CADPS2: variants seen among roughly 807,000 people sequenced by gnomAD.
CADPS2 encodes calcium-dependent secretion activator 2.
In CADPS2, 93 loss-of-function variants were observed where a neutral mutation model predicts 172.5. The ratio of observed to expected loss-of-function variants is 0.54; its 90% CI spans 0.46 to 0.64. The LOEUF is 0.64. Ranked by LOEUF, CADPS2 falls within the 30% of genes least tolerant of loss-of-function variation. CADPS2 has a pLI of 0.00. For missense variants in CADPS2, 1,420 were observed against 1,565.9 expected (o/e 0.91, Z 1.57); for synonymous variants, 546 against 555.2 (o/e 0.98, Z 0.23).
chr7:122,666,346 C>CTTTTT (rs35558114), intron 2 of CADPS2, among the ~76,000 whole-genome samples: 28 of 133,506 alleles, frequency 2.1e-4, no homozygotes, highest in Admixed American at 7.8e-4. Flanking sequence ...TCTGCTAACA[C>CTTTTT]TTTTTTTTTT....
intron 1 of CADPS2, 127 bp downstream of exon 1, chr7:122,885,872 G>A: frequency 8.7e-7 from 1 of 1,147,608 alleles, no homozygotes. Flanking sequence ...AGATTCCTCT[G>A]CCCTCAGAGA....
In CADPS2 at chr7:122,621,498, G is replaced by C; in HGVS notation, c.1087C>G (p.Leu363Val). The change falls in exon 5 of 30, where the codon CTG (leucine) becomes GTG (valine). Residue 363 changes from leucine to valine, a missense_variant. Leu to Val is a conservative substitution (Grantham distance 32). Coordinates refer to ENST00000449022, the MANE Select transcript of CADPS2 (RefSeq NM_017954.11). ...EIQLSKSDVV[L>V]SFTLEIVIME... Reference sequence around the variant, plus strand: ...CTACTTACCTCTAAGGTGAATGACAGTACCACGTCGGACTTTGACAGCTGA... The same window carrying C: ...CTACTTACCTCTAAGGTGAATGACACTACCACGTCGGACTTTGACAGCTGA... The C allele has an allele frequency of 1.2e-6, 2 of 1,611,866 alleles. No homozygotes were observed. Among genetic ancestry groups the C allele is most frequent in the Non-Finnish European group, 1.7e-6 (2 of 1,178,066 alleles).
intron 17 of CADPS2, among the ~76,000 whole-genome samples, chr7:122,429,203 T>C (rs1386119586): frequency 6.6e-6 from 1 of 151,656 alleles, no homozygotes; most frequent in South Asian, 2.1e-4. Flanking sequence ...CTTGCTAATA[T>C]AGGGATAACT....
At chr7:122,701,159 AT>A (rs1331754756) in intron 2 of CADPS2, among the ~76,000 whole-genome samples, 1 of 152,140 alleles carries the variant, frequency 6.6e-6, no homozygotes, top group Admixed American at 6.6e-5. Context: ...AGAAAAAAAA[AT>A]TTGTTTTTAA....
Position 122,527,617 on chromosome 7 carries a change from A to AGAGAGAGTGTGTGT in CADPS2, c.1476-14303_1476-14302insACACACACTCTCTC. Among the ~76,000 whole-genome samples the AGAGAGAGTGTGTGT allele has an allele frequency of 1.8e-3, 154 of 83,876 alleles. 1 individual carries two copies. The highest frequency in any genetic ancestry group is 3.1e-3 in the Non-Finnish European group (120 of 38,328). The allele number at this position is 83,876 out of a possible 152,430, so 55.0% of individuals were successfully genotyped here. On this transcript the variant is annotated intron_variant, in intron 8 of 29. Coordinates refer to ENST00000449022, the MANE Select transcript of CADPS2 (RefSeq NM_017954.11). Reference sequence around the variant, plus strand: ...GAGAGAGAGAGAGAGAGAGAGAGAGAGTGTGTGTGTGTGTGTGTGTGTGTG... The same window carrying AGAGAGAGTGTGTGT: ...GAGAGAGAGAGAGAGAGAGAGAGAGAGAGAGAGTGTGTGTGTGTGTGTGTGTGTGTGTGTGTGTG...
intron 3 of CADPS2, among the ~76,000 whole-genome samples, chr7:122,655,838 A>C (rs548303905): frequency 6.6e-6 from 1 of 152,198 alleles, no homozygotes; most frequent in African/African-American, 2.4e-5. Flanking sequence ...TCAATCAAAA[A>C]TAATCCTCAA....
At chr7:122,645,681 A>ATATATATATATATCTC (rs796988558) in intron 3 of CADPS2, among the ~76,000 whole-genome samples, 32 of 116,830 alleles carry the variant, frequency 2.7e-4, no homozygotes, top group South Asian at 9.5e-4. Flanking sequence ...ATATATATAT[A>ATATATATATATATCTC]TCTTGGGATT....
intron 8 of CADPS2, among the ~76,000 whole-genome samples, chr7:122,546,711 C>T (rs988537213): frequency 6.6e-6 from 1 of 152,282 alleles, no homozygotes; most frequent in East Asian, 1.9e-4. Context: ...CTTTGGCCCA[C>T]TGCCATGCTC....
intron 8 of CADPS2, among the ~76,000 whole-genome samples, chr7:122,529,143 T>G (rs532670475): frequency 1.3e-5 from 2 of 152,218 alleles, no homozygotes. Flanking sequence ...AGTTGTTCCT[T>G]ATAAACCACT....
intron 7 of CADPS2, among the ~76,000 whole-genome samples, chr7:122,578,164 C>T (rs1334730361): frequency 6.6e-6 from 1 of 151,060 alleles, no homozygotes; most frequent in East Asian, 2.0e-4. Context: ...TATATATACA[C>T]ACATACATTA....
intron 25 of CADPS2, among the ~76,000 whole-genome samples, chr7:122,374,149 A>G (rs2042077772): frequency 6.6e-6 from 1 of 152,194 alleles, no homozygotes; most frequent in Non-Finnish European, 1.5e-5. Context: ...AAGGATAAAA[A>G]TCACCAAGAT....
chr7:122,610,939 C>T (rs1437012044), intron 6 of CADPS2, among the ~76,000 whole-genome samples: 1 of 152,130 alleles, frequency 6.6e-6, no homozygotes, highest in African/African-American at 2.4e-5. Context: ...CTTGTATTCC[C>T]TGCAGCTAAG....
At chr7:122,854,860 G>A (rs1814730836) in intron 1 of CADPS2, among the ~76,000 whole-genome samples, 1 of 152,174 alleles carries the variant, frequency 6.6e-6, no homozygotes, top group South Asian at 2.1e-4. Context: ...ATACTACTTA[G>A]TTTAATTCAA....
intron 24 of CADPS2, among the ~76,000 whole-genome samples, chr7:122,385,923 G>A (rs549424198): frequency 6.6e-6 from 1 of 152,122 alleles, no homozygotes; most frequent in South Asian, 2.1e-4. Flanking sequence ...GTAGATAAAT[G>A]CTTGAAAAAT....
chr7:122,824,562 C>A (rs1804339765), intron 1 of CADPS2, among the ~76,000 whole-genome samples: 1 of 152,188 alleles, frequency 6.6e-6, no homozygotes, highest in Non-Finnish European at 1.5e-5. Context: ...CTGTTCATAT[C>A]CTTTGCTCTT....
intron 6 of CADPS2, among the ~76,000 whole-genome samples, 170 bp downstream of exon 6, chr7:122,615,008 ACAT>A (rs1379793707): frequency 1.3e-5 from 2 of 152,192 alleles, no homozygotes; most frequent in African/African-American, 4.8e-5. Flanking sequence ...TCCAATTATA[ACAT>A]CATTATCTAG....
intron 2 of CADPS2, among the ~76,000 whole-genome samples, chr7:122,664,495 A>G (rs1588238100): frequency 6.6e-6 from 1 of 152,196 alleles, no homozygotes; most frequent in Admixed American, 6.5e-5. Flanking sequence ...TTGGGTAAAA[A>G]TAAGTACAGT....
At chr7:122,328,018 G>A (rs1372420709) in intron 28 of CADPS2, among the ~76,000 whole-genome samples, 1 of 151,954 alleles carries the variant, frequency 6.6e-6, no homozygotes, top group African/African-American at 2.4e-5. Context: ...TTCAAATTAA[G>A]CAAATGATTA....
intron 1 of CADPS2, among the ~76,000 whole-genome samples, chr7:122,780,824 C>T (rs2139381317): frequency 6.6e-6 from 1 of 152,192 alleles, no homozygotes; most frequent in African/African-American, 2.4e-5. Flanking sequence ...GTGGCTGCAC[C>T]ACGATTTACA....
Sources: allele counts gnomAD v4.1 joint callset (sites outside exome capture counted in the v4.1 genomes callset), GRCh38; gene constraint gnomAD v4.1.1; transcripts MANE v1.5; gene names NCBI Gene and HGNC (gene_info 2026-07-23, HGNC 2026-07-21).